The following ZNF714 variants were observed in gnomAD, a reference collection of about 807,000 sequenced individuals.
The protein encoded by ZNF714 is zinc finger protein 714.
Under a neutral mutation model 46.2 loss-of-function variants are expected in ZNF714, and 32 were observed. The observed-to-expected ratio is 0.69, with a 90% confidence interval of 0.52 to 0.93. The LOEUF is 0.93. ZNF714 is among the 40% of genes least tolerant of loss of function. ZNF714 has a pLI of 0.00. For missense variants in ZNF714, 635 were observed against 646.3 expected (o/e 0.98, Z 0.19); for synonymous variants, 199 against 213.1 (o/e 0.93, Z 0.58).
intron 4 of ZNF714, among the ~76,000 whole-genome samples, chr19:21,114,263 C>G (rs1048675479): frequency 1.3e-5 from 2 of 151,752 alleles, no homozygotes; most frequent in Admixed American, 6.6e-5. Context: ...ACAGTGAAAC[C>G]TCGTCTACTA....
chr19:21,083,089 G>A lies in ZNF714; in HGVS notation c.-177+741G>A, dbSNP rs144920829. On this transcript the variant is annotated intron_variant, in intron 1 of 4. Coordinates refer to ENST00000456283, the MANE Select transcript of ZNF714 (RefSeq NM_182515.4). ...TTTCGCTCTTGTTGCCCAGGCTGGA[G>A]TGCAATGGGGCGATCTTGTCTCACC... Among the ~76,000 whole-genome samples, 399 of 151,810 alleles carry A rather than the reference G, an allele frequency of 2.6e-3. 1 individual carries two copies. Among genetic ancestry groups the A allele is most frequent in the African/African-American group, 9.2e-3 (381 of 41,412 alleles).
intron 3 of ZNF714, among the ~76,000 whole-genome samples, 175 bp downstream of exon 3, chr19:21,098,486 C>A (rs1345049868): frequency 6.6e-6 from 1 of 152,096 alleles, no homozygotes; most frequent in East Asian, 1.9e-4. Context: ...CATGTTTCAT[C>A]CTGACCTGAA....
chr19:21,105,650 G>A (rs1412643819), intron 4 of ZNF714, among the ~76,000 whole-genome samples: 2 of 151,674 alleles, frequency 1.3e-5, no homozygotes, highest in Non-Finnish European at 2.9e-5. Flanking sequence ...TTATGTCTAA[G>A]CATTTTATTT....
At chr19:21,082,937 A>G (rs887697741) in intron 1 of ZNF714, among the ~76,000 whole-genome samples, 1 of 152,052 alleles carries the variant, frequency 6.6e-6, no homozygotes, top group African/African-American at 2.4e-5. Flanking sequence ...AAAGGTGAAA[A>G]TTTCCTGGTT....
chr19:21,082,691 A>T (rs1234108218), intron 1 of ZNF714, among the ~76,000 whole-genome samples: 2 of 31,778 alleles, frequency 6.3e-5, no homozygotes, highest in Non-Finnish European at 1.5e-4. Flanking sequence ...CGGGTTTATG[A>T]ATGGGTCCGT....
intron 4 of ZNF714, among the ~76,000 whole-genome samples, chr19:21,105,915 A>T (rs1044725526): frequency 6.6e-6 from 1 of 151,802 alleles, no homozygotes; most frequent in Non-Finnish European, 1.5e-5. Flanking sequence ...AGATCATGCC[A>T]CTGCACTCCA....
In ZNF714 at chr19:21,098,326, A is replaced by C. The variant is rs568199674; in HGVS notation, c.43+15A>C. ...GGTCTTCTTGGGTGAGAATAACTTT[A>C]ATACATAAGTCTTAATATACCCTAA... On this transcript the variant is annotated intron_variant, in intron 3 of 4. Coordinates refer to ENST00000456283, the MANE Select transcript of ZNF714 (RefSeq NM_182515.4). 8 of 1,607,120 alleles carry C rather than the reference A, an allele frequency of 5.0e-6. No homozygotes were observed. The highest frequency in any genetic ancestry group is 1.7e-4 in the Middle Eastern group (1 of 6,044).
rs573907285 is a variant in ZNF714, at chr19:21,119,138, C to T, written c.*806C>T. On this transcript the variant is annotated 3_prime_UTR_variant, in exon 5 of 5. Coordinates refer to ENST00000456283, the MANE Select transcript of ZNF714 (RefSeq NM_182515.4). Reference sequence around the variant, plus strand: ...ACAAGCTTTTGACCAGGCGTGGTGGCTCAGGCCTATAATCCCAGCACTTTG... The same window carrying T: ...ACAAGCTTTTGACCAGGCGTGGTGGTTCAGGCCTATAATCCCAGCACTTTG... The T allele has an allele frequency of 1.8e-5, 8 of 450,976 alleles. No homozygotes were observed. The highest frequency in any genetic ancestry group is 1.6e-4 in the African/African-American group (8 of 49,494). The allele number at this position is 450,976 out of a possible 1,614,324, so 27.9% of individuals were successfully genotyped here. A position where few individuals can be genotyped will look rare whatever the true frequency, so the allele number is the denominator to read the frequency against.
In ZNF714 at chr19:21,108,069, A is replaced by T. The variant is rs985599339; in HGVS notation, c.143-8738A>T. On this transcript the variant is annotated intron_variant, in intron 4 of 4. Transcript: ENST00000456283. ...CTCCTATGTAGCTGAGACTACAGAC[A>T]TGCACTACCATGCCTCGCTAATTTT... Among the ~76,000 whole-genome samples, 9 of 152,234 alleles carry T rather than the reference A, an allele frequency of 5.9e-5. No individual in the cohort carries two copies. In the South Asian group the frequency reaches 1.7e-3, roughly 28 times the overall value.
chr19:21,104,183 A>T (rs1969256722), intron 4 of ZNF714, among the ~76,000 whole-genome samples: 1 of 152,032 alleles, frequency 6.6e-6, no homozygotes, highest in Non-Finnish European at 1.5e-5. Flanking sequence ...ATGTGACAAG[A>T]TTTCTTTGAT....
chr19:21,115,490 T>C (rs557892963), intron 4 of ZNF714, among the ~76,000 whole-genome samples: 67 of 152,146 alleles, frequency 4.4e-4, no homozygotes, highest in African/African-American at 1.6e-3. Flanking sequence ...AGAATTTGGT[T>C]ATTTTTGAAG....
chr19:21,090,265 G>A (rs1283265681), intron 2 of ZNF714, among the ~76,000 whole-genome samples: 3 of 152,182 alleles, frequency 2.0e-5, no homozygotes, highest in Non-Finnish European at 4.4e-5. Flanking sequence ...AAGAGCTCAG[G>A]GGGCCAGAGA....
At chr19:21,106,898 G>A (rs534963400) in intron 4 of ZNF714, among the ~76,000 whole-genome samples, 1 of 152,072 alleles carries the variant, frequency 6.6e-6, no homozygotes, top group South Asian at 2.1e-4. Context: ...TGCGATCTCG[G>A]CTCACTGCAC....
chr19:21,104,031 C>T (rs1969252528), intron 4 of ZNF714, among the ~76,000 whole-genome samples: 1 of 152,148 alleles, frequency 6.6e-6, no homozygotes, highest in South Asian at 2.1e-4. Flanking sequence ...CTCTCCGCGG[C>T]CCTTGACAAA....
At chr19:21,104,636 A>T (rs1969269688) in intron 4 of ZNF714, among the ~76,000 whole-genome samples, 1 of 148,796 alleles carries the variant, frequency 6.7e-6, no homozygotes, top group South Asian at 2.1e-4. Context: ...ATTTATTGTG[A>T]TGAAGTCTTA....
chr19:21,098,075 A>G, intron 2 of ZNF714, 110 bp from the exon 3 acceptor site: 2 of 1,441,508 alleles, frequency 1.4e-6, no homozygotes, highest in South Asian at 1.5e-5. Context: ...AGTTATTCTT[A>G]TAAGTCAACC....
chr19:21,106,033 G>A (rs1198017225), intron 4 of ZNF714, among the ~76,000 whole-genome samples: 4 of 151,802 alleles, frequency 2.6e-5, no homozygotes, highest in Admixed American at 6.6e-5. Context: ...GGAGGGTCAC[G>A]TGAGGGTCAG....
At chr19:21,097,192 G>A (rs1969062220) in intron 2 of ZNF714, among the ~76,000 whole-genome samples, 1 of 152,132 alleles carries the variant, frequency 6.6e-6, no homozygotes, top group South Asian at 2.1e-4. Context: ...TATTACCCAG[G>A]AAGTTCTGGA....
intron 4 of ZNF714, among the ~76,000 whole-genome samples, chr19:21,109,205 TATTTTTTCTTTTTATAA>T (rs1183663886): frequency 6.6e-6 from 1 of 152,160 alleles, no homozygotes; most frequent in African/African-American, 2.4e-5. Flanking sequence ...TAAGCCATCT[TATTTTTTCTTTTTATAA>T]ATTTATTTAT....
Sources: gnomAD v4.1 joint callset for allele counts (sites outside exome capture counted in the v4.1 genomes callset) on GRCh38, gnomAD v4.1.1 for gene constraint, MANE v1.5 for transcripts, NCBI Gene and HGNC (gene_info 2026-07-23, HGNC 2026-07-21) for gene names.